The following TICAM2 variants were observed in gnomAD, a reference collection of about 807,000 sequenced individuals.
The protein encoded by TICAM2 is TIR domain-containing adapter molecule 2.
A neutral mutation model predicts 7.3 loss-of-function variants in TICAM2; 8 were observed. The observed-to-expected ratio is 1.10, with a 90% CI of 0.65 to 1.99. The LOEUF (loss-of-function observed/expected upper bound fraction) is 1.99, where lower values mean the gene tolerates loss of function less well. TICAM2 is among the 30% of genes most tolerant of loss of function. TICAM2 has a pLI of 0.00. For missense variants in TICAM2, 304 were observed against 278.8 expected (o/e 1.09, Z -0.65); for synonymous variants, 113 against 99.6 (o/e 1.13, Z -0.80).
chr5:115,581,573 A>AAT (rs990611030), intron 1 of TICAM2, among the ~76,000 whole-genome samples: 13 of 152,232 alleles, frequency 8.5e-5, no homozygotes, highest in African/African-American at 3.1e-4. Flanking sequence ...AAATGGTGTT[A>AAT]TATTAGCACT....
At chr5:115,597,851 T>G (rs143754179) in intron 1 of TICAM2, among the ~76,000 whole-genome samples, 7 of 152,324 alleles carry the variant, frequency 4.6e-5, no homozygotes, top group African/African-American at 1.7e-4. Flanking sequence ...ATCCATGTTT[T>G]GTTGGAGAAA....
rs1026278674 is a variant in TICAM2, at chr5:115,602,142, C to T, written c.-105G>A. 2.2e-4 allele frequency: 34 copies of T among 152,228 alleles called. No individual in the cohort carries two copies. The highest frequency in any genetic ancestry group is 7.7e-4 in the African/African-American group (32 of 41,450). 9.4% of individuals were successfully genotyped at this position (152,228 alleles called of 1,614,324 possible). On this transcript the variant is annotated 5_prime_UTR_variant, in exon 1 of 2. Transcript: ENST00000427199. ...AGTCAGCCCGCGGCTTTTCTGTCTTCCTTTCTGGCCCAGCGAGAGCGCCCA... is the reference window on the plus strand; with the variant it reads ...AGTCAGCCCGCGGCTTTTCTGTCTTTCTTTCTGGCCCAGCGAGAGCGCCCA...
At chr5:115,592,507 A>G (rs1040227380) in intron 1 of TICAM2, among the ~76,000 whole-genome samples, 9 of 152,164 alleles carry the variant, frequency 5.9e-5, no homozygotes, top group African/African-American at 1.7e-4. Flanking sequence ...CTCTCTCTCA[A>G]TTATTATTAA....
At chr5:115,582,480 A>T (rs996170015) in intron 1 of TICAM2, among the ~76,000 whole-genome samples, 15 of 152,032 alleles carry the variant, frequency 9.9e-5, no homozygotes, top group African/African-American at 3.6e-4. Flanking sequence ...GCCTAGACTC[A>T]TTCTTTTATT....
At position 115,581,109 on chromosome 5, in the gene TICAM2, T is replaced by C; in HGVS notation, c.148A>G (p.Asn50Asp). 4.3e-6 allele frequency: 7 copies of C among 1,614,192 alleles called. No homozygotes were observed. The highest frequency in any genetic ancestry group is 5.9e-6 in the Non-Finnish European group (7 of 1,180,048). Residue 50 changes from asparagine to aspartate, a missense_variant, in exon 2 of 2, where the codon AAT becomes GAT. By Grantham distance (23) the Asn-to-Asp change is conservative. Coordinates refer to ENST00000427199, the MANE Select transcript of TICAM2 (RefSeq NM_021649.7). ...LSLCNVAEHS[N>D]TTEGPTGKQE... Reference sequence around the variant, plus strand: ...TTTCCTGTTGGCCCCTCTGTTGTATTGCTGTGCTCAGCAACATTACACAAG... The same window carrying C: ...TTTCCTGTTGGCCCCTCTGTTGTATCGCTGTGCTCAGCAACATTACACAAG...
chr5:115,593,864 A>C (rs995878358), intron 1 of TICAM2, among the ~76,000 whole-genome samples: 3 of 152,222 alleles, frequency 2.0e-5, no homozygotes, highest in African/African-American at 7.2e-5. Context: ...ACAGATCCAA[A>C]CATATATGGA....
intron 1 of TICAM2, among the ~76,000 whole-genome samples, chr5:115,596,966 A>T (rs1485280809): frequency 6.6e-6 from 1 of 152,218 alleles, no homozygotes; most frequent in Non-Finnish European, 1.5e-5. Flanking sequence ...CACAAATGCC[A>T]TCACAGTCCT....
At chr5:115,596,173 T>G (rs553425336) in intron 1 of TICAM2, among the ~76,000 whole-genome samples, 1 of 152,282 alleles carries the variant, frequency 6.6e-6, no homozygotes, top group Non-Finnish European at 1.5e-5. Flanking sequence ...CTCAAATTGT[T>G]TCAAGTTTCC....
At chr5:115,583,584 TGGAG>T (rs1755005213) in intron 1 of TICAM2, among the ~76,000 whole-genome samples, 1 of 152,118 alleles carries the variant, frequency 6.6e-6, no homozygotes, top group Non-Finnish European at 1.5e-5. Context: ...TCTTCTAATC[TGGAG>T]GGAGGGAGTA....
Position 115,578,566 on chromosome 5 carries a change from A to G in TICAM2, c.*1983T>C, listed in dbSNP as rs866258156. On this transcript the variant is annotated 3_prime_UTR_variant, in exon 2 of 2. Transcript: ENST00000427199. ...GGTGAGACATTGTGTCTGGTGCTCT[A>G]TGAAGTACAAATCGATGCTTCATTT... is the stretch of plus-strand genomic sequence containing the variant. 21 of 152,190 alleles carry G rather than the reference A, an allele frequency of 1.4e-4. 1 individual carries two copies. Among genetic ancestry groups the G allele is most frequent in the Non-Finnish European group, 2.9e-5 (2 of 68,044 alleles). 9.4% of individuals were successfully genotyped at this position (152,190 alleles called of 1,614,324 possible).
intron 1 of TICAM2, among the ~76,000 whole-genome samples, chr5:115,592,330 A>C (rs1404247416): frequency 6.6e-6 from 1 of 152,216 alleles, no homozygotes; most frequent in African/African-American, 2.4e-5. Flanking sequence ...CACAGAAGAA[A>C]TAACCTGAAT....
chr5:115,582,336 T>G (rs956433353), intron 1 of TICAM2, among the ~76,000 whole-genome samples: 22 of 147,050 alleles, frequency 1.5e-4, no homozygotes, highest in African/African-American at 5.4e-4. Flanking sequence ...TTTTTTTTTT[T>G]GGTTTTTTTT....
At chr5:115,596,667 C>T (rs1320807091) in intron 1 of TICAM2, among the ~76,000 whole-genome samples, 1 of 152,182 alleles carries the variant, frequency 6.6e-6, no homozygotes, top group Non-Finnish European at 1.5e-5. Flanking sequence ...CGCCTGTAAT[C>T]CCAGCACTTT....
intron 1 of TICAM2, among the ~76,000 whole-genome samples, chr5:115,588,357 G>C (rs1285598112): frequency 6.6e-6 from 1 of 152,202 alleles, no homozygotes; most frequent in Non-Finnish European, 1.5e-5. Context: ...ACAGGATAAT[G>C]TCTGTGATGA....
At chr5:115,594,295 T>A (rs183435343) in intron 1 of TICAM2, among the ~76,000 whole-genome samples, 2 of 152,376 alleles carry the variant, frequency 1.3e-5, no homozygotes, top group East Asian at 3.9e-4. Context: ...TGCTTTAAAC[T>A]GTGTGTATGT....
At chr5:115,600,859 T>C (rs1755702885) in intron 1 of TICAM2, among the ~76,000 whole-genome samples, 1 of 152,144 alleles carries the variant, frequency 6.6e-6, no homozygotes, top group Admixed American at 6.5e-5. Flanking sequence ...GGACCTAGAA[T>C]GGGATGTGTG....
In TICAM2 at chr5:115,580,260, G is replaced by T. The variant is rs1245988697; in HGVS notation, c.*289C>A. On this transcript the variant is annotated 3_prime_UTR_variant, in exon 2 of 2. Transcript: ENST00000427199. Reference sequence around the variant, plus strand: ...TCTGTCATACAAGTTTTTGTTCAAGGTTCAATACAAGGAATATGGATTGAG... The same window carrying T: ...TCTGTCATACAAGTTTTTGTTCAAGTTTCAATACAAGGAATATGGATTGAG... The T allele has an allele frequency of 3.7e-6, 1 of 273,318 alleles. No individual in the cohort carries two copies. Among genetic ancestry groups the T allele is most frequent in the Non-Finnish European group, 6.7e-6 (1 of 149,196 alleles). 16.9% of individuals were successfully genotyped at this position (273,318 alleles called of 1,614,324 possible). A position where few individuals can be genotyped will look rare whatever the true frequency, so the allele number is the denominator to read the frequency against.
chr5:115,592,342 C>T (rs762160947), intron 1 of TICAM2, among the ~76,000 whole-genome samples: 16 of 152,144 alleles, frequency 1.1e-4, no homozygotes, highest in Non-Finnish European at 1.3e-4. Flanking sequence ...AACCTGAATT[C>T]AATTATTTTT....
chr5:115,581,817 A>G (rs1198088997), intron 1 of TICAM2: 2 of 154,596 alleles, frequency 1.3e-5, no homozygotes, highest in East Asian at 3.8e-4. Flanking sequence ...ATCTCTACTG[A>G]CAGCATAAAC....
Sources: allele counts gnomAD v4.1 joint callset (sites outside exome capture counted in the v4.1 genomes callset), GRCh38; gene constraint gnomAD v4.1.1; transcripts MANE v1.5; gene names NCBI Gene and HGNC (gene_info 2026-07-23, HGNC 2026-07-21).